Variants in WWOX observed in about 807,000 individuals in gnomAD.
WWOX encodes the protein WW domain containing oxidoreductase.
In WWOX, 69 loss-of-function variants were observed where a neutral mutation model predicts 46.2. The ratio of observed to expected loss-of-function variants is 1.49; its 90% CI spans 1.23 to 1.82. The LOEUF is 1.82. WWOX is among the 40% of genes most tolerant of loss of function. The pLI, the probability that WWOX is intolerant of heterozygous loss-of-function variation, is 0.00. For synonymous variants in WWOX, 359 were observed against 202.6 expected, an observed-to-expected ratio of 1.77 and a Z score of -6.56; for missense variants, 919 against 542.6, an observed-to-expected ratio of 1.69 and a Z score of -6.89.
intron 8 of WWOX, among the ~76,000 whole-genome samples, chr16:78,597,266 T>A (rs1200260555): frequency 6.6e-6 from 1 of 152,164 alleles, no homozygotes; most frequent in Admixed American, 6.5e-5. Flanking sequence ...CTTCATATAT[T>A]AATCAAGGAG....
chr16:78,739,999 G>C (rs185022525), intron 8 of WWOX, among the ~76,000 whole-genome samples: 1 of 152,202 alleles, frequency 6.6e-6, no homozygotes, highest in East Asian at 1.9e-4. Context: ...ATTGCCTCAG[G>C]AGTCGAGCCC....
chr16:78,871,747 G>C (rs2044133189), intron 8 of WWOX, among the ~76,000 whole-genome samples: 1 of 152,120 alleles, frequency 6.6e-6, no homozygotes, highest in Non-Finnish European at 1.5e-5. Context: ...CTACAGGCAG[G>C]CACCACCATA....
chr16:78,712,139 C>G (rs1022577645), intron 8 of WWOX, among the ~76,000 whole-genome samples: 1 of 152,066 alleles, frequency 6.6e-6, no homozygotes, highest in Admixed American at 6.6e-5. Context: ...GACCAATAAG[C>G]CAATGTTCAA....
chr16:78,576,437 G>C (rs910893270), intron 8 of WWOX, among the ~76,000 whole-genome samples: 1 of 152,140 alleles, frequency 6.6e-6, no homozygotes, highest in South Asian at 2.1e-4. Flanking sequence ...TCCTTGTCTG[G>C]AGGCGTTGGG....
At chr16:79,070,647 C>T (rs1027757776) in intron 8 of WWOX, among the ~76,000 whole-genome samples, 1 of 152,070 alleles carries the variant, frequency 6.6e-6, no homozygotes, top group Non-Finnish European at 1.5e-5. Flanking sequence ...AAGTTCAGGG[C>T]GTGAGAGGGT....
intron 5 of WWOX, among the ~76,000 whole-genome samples, chr16:78,221,089 A>G (rs1306456333): frequency 6.6e-6 from 1 of 152,208 alleles, no homozygotes; most frequent in Non-Finnish European, 1.5e-5. Context: ...TCACAGAGTT[A>G]AGCTCGGTTC....
At chr16:78,499,697 C>T (rs1399227281) in intron 8 of WWOX, among the ~76,000 whole-genome samples, 1 of 152,142 alleles carries the variant, frequency 6.6e-6, no homozygotes, top group Non-Finnish European at 1.5e-5. Flanking sequence ...GGATAAGAAC[C>T]ATGTCTTATT....
At chr16:79,205,526 C>T (rs1214597501) in intron 8 of WWOX, 3 of 152,220 alleles carry the variant, frequency 2.0e-5, no homozygotes, top group African/African-American at 4.8e-5. Context: ...ATGGATTCTC[C>T]AGAACACTTT....
At chr16:78,830,380 C>T (rs956151564) in intron 8 of WWOX, among the ~76,000 whole-genome samples, 1 of 151,966 alleles carries the variant, frequency 6.6e-6, no homozygotes, top group Non-Finnish European at 1.5e-5. Flanking sequence ...GAAAGTAGTG[C>T]CGTATGGCTG....
At chr16:78,621,607 T>A (rs1597360089) in intron 8 of WWOX, among the ~76,000 whole-genome samples, 1 of 110,408 alleles carries the variant, frequency 9.1e-6, no homozygotes, top group African/African-American at 3.5e-5. Flanking sequence ...TTTTTTTTTT[T>A]TTTTTTTTTT....
chr16:78,566,423 C>T (rs2044568516), intron 8 of WWOX, among the ~76,000 whole-genome samples: 1 of 152,192 alleles, frequency 6.6e-6, no homozygotes, highest in South Asian at 2.1e-4. Context: ...CTCTGGCTTT[C>T]TGAGTTCTGC....
intron 8 of WWOX, among the ~76,000 whole-genome samples, chr16:79,077,057 A>C (rs979389714): frequency 6.6e-6 from 1 of 152,078 alleles, no homozygotes; most frequent in Non-Finnish European, 1.5e-5. Context: ...CTAAGGTTCC[A>C]CGTAATAATT....
intron 8 of WWOX, among the ~76,000 whole-genome samples, chr16:79,092,364 G>A (rs2048979505): frequency 1.3e-5 from 2 of 152,140 alleles, no homozygotes; most frequent in Admixed American, 1.3e-4. Flanking sequence ...AATGGCAGCC[G>A]CCTAGCCTGT....
At chr16:78,988,258 C>A (rs1478043826) in intron 8 of WWOX, among the ~76,000 whole-genome samples, 1 of 151,416 alleles carries the variant, frequency 6.6e-6, no homozygotes, top group Non-Finnish European at 1.5e-5. Context: ...GCTGGAGAAT[C>A]ACTTGAACCC....
intron 8 of WWOX, among the ~76,000 whole-genome samples, chr16:78,453,951 T>C (rs1004522694): frequency 1.3e-4 from 20 of 152,180 alleles, no homozygotes; most frequent in African/African-American, 4.8e-4. Context: ...GTCCAACTTG[T>C]AGATTGGGCA....
At chr16:78,978,941 G>T (rs539165992) in intron 8 of WWOX, among the ~76,000 whole-genome samples, 1 of 152,118 alleles carries the variant, frequency 6.6e-6, no homozygotes, top group East Asian at 1.9e-4. Flanking sequence ...GGTACATTTT[G>T]ATGTCCCTCC....
In WWOX at chr16:78,131,887, A is replaced by AT. The variant is rs759721826; in HGVS notation, c.409+16745dup. 4.9e-3 allele frequency among the ~76,000 whole-genome samples: 702 copies of AT among 144,740 alleles called. 7 individuals carry two copies. Among genetic ancestry groups the AT allele is most frequent in the African/African-American group, 0.016 (614 of 39,598 alleles). 95.0% of individuals were successfully genotyped at this position (144,740 alleles called of 152,430 possible). On this transcript the variant is annotated intron_variant, in intron 4 of 8. Coordinates refer to ENST00000566780, the MANE Select transcript of WWOX (RefSeq NM_016373.4). ...GCGTGAGCCACCGCGCCTGGCAAGG[A>AT]TTTTTTTTTTTTCATACTTGAGGAA...
chr16:79,092,027 C>T (rs1048733947), intron 8 of WWOX, among the ~76,000 whole-genome samples: 8 of 152,038 alleles, frequency 5.3e-5, no homozygotes, highest in African/African-American at 1.4e-4. Flanking sequence ...GATCTTTTCT[C>T]GCCTCGGCCT....
In WWOX at chr16:78,722,644, A is replaced by T. The variant is rs150599941; in HGVS notation, c.1056+289892A>T. Among the ~76,000 whole-genome samples the T allele has an allele frequency of 1.4e-3, 209 of 150,982 alleles. 3 individuals carry two copies. Among genetic ancestry groups the T allele is most frequent in the East Asian group, 0.012 (61 of 5,108 alleles). ...TAGGTATAATGGAAAGACTAACAAG[A>T]GTAGAAGAGGGATGTAACTGGAGCA... On this transcript the variant is annotated intron_variant, in intron 8 of 8. Transcript: ENST00000566780.
Sources: gnomAD v4.1 joint callset for allele counts (sites outside exome capture counted in the v4.1 genomes callset) on GRCh38, gnomAD v4.1.1 for gene constraint, MANE v1.5 for transcripts, NCBI Gene and HGNC (gene_info 2026-07-23, HGNC 2026-07-21) for gene names.